The following GABRB1 variants were observed in gnomAD, a reference collection of about 807,000 sequenced individuals.
GABRB1 encodes the protein gamma-aminobutyric acid type A receptor subunit beta1.
Under a neutral mutation model 51.6 loss-of-function variants are expected in GABRB1, and 17 were observed. The ratio of observed to expected loss-of-function variants is 0.33; its 90% CI spans 0.23 to 0.49. The LOEUF (loss-of-function observed/expected upper bound fraction) is 0.49. Ranked by LOEUF, GABRB1 falls within the 20% of genes least tolerant of loss-of-function variation. The probability of loss-of-function intolerance (pLI) is 0.99; values close to 1 mark genes in which losing one functional copy is unlikely to be tolerated. For synonymous variants in GABRB1, 247 were observed against 218.9 expected (o/e 1.13, Z -1.14); for missense variants, 410 against 600.6 (o/e 0.68, Z 3.32).
At chr4:47,253,579 T>C (rs1212926746) in intron 4 of GABRB1, among the ~76,000 whole-genome samples, 3 of 152,240 alleles carry the variant, frequency 2.0e-5, no homozygotes, top group Non-Finnish European at 2.9e-5. Context: ...TGGTCTAATA[T>C]ATTCAAATTT....
intron 4 of GABRB1, among the ~76,000 whole-genome samples, chr4:47,275,372 G>A (rs1308065976): frequency 1.3e-5 from 2 of 152,062 alleles, no homozygotes; most frequent in African/African-American, 4.8e-5. Flanking sequence ...ATGTGCTCTT[G>A]AAATAAAAAG....
chr4:47,137,098 C>A (rs1038060733), intron 3 of GABRB1, among the ~76,000 whole-genome samples: 1 of 152,064 alleles, frequency 6.6e-6, no homozygotes, highest in Non-Finnish European at 1.5e-5. Flanking sequence ...ACAAGTCCTG[C>A]GCTAAAAAAT....
intron 3 of GABRB1, among the ~76,000 whole-genome samples, chr4:47,091,379 A>G (rs1577899228): frequency 6.6e-6 from 1 of 152,330 alleles, no homozygotes; most frequent in Non-Finnish European, 1.5e-5. Flanking sequence ...AAAACAAAAC[A>G]TAATGGTATA....
intron 3 of GABRB1, among the ~76,000 whole-genome samples, chr4:47,053,089 T>C (rs4499677): frequency 0.54 from 82,171 of 151,858 alleles, 22,610 homozygotes; most frequent in African/African-American, 0.64. Context: ...GAGCATTAGG[T>C]AAAGGGAGAG....
intron 3 of GABRB1, among the ~76,000 whole-genome samples, chr4:47,049,063 GAAA>G (rs5858051): frequency 5.8e-5 from 8 of 138,572 alleles, no homozygotes; most frequent in East Asian, 2.2e-4. Context: ...GATGAGAAGA[GAAA>G]AAAAAAAAAA....
chr4:47,344,762 C>A (rs1363522690), intron 5 of GABRB1, among the ~76,000 whole-genome samples: 1 of 151,764 alleles, frequency 6.6e-6, no homozygotes, highest in African/African-American at 2.4e-5. Context: ...TTGCTCTATC[C>A]CCCAGGCTGG....
At chr4:47,150,341 C>T (rs1717380448) in intron 3 of GABRB1, among the ~76,000 whole-genome samples, 1 of 131,812 alleles carries the variant, frequency 7.6e-6, no homozygotes, top group East Asian at 2.2e-4. Flanking sequence ...CACACACACA[C>T]ACGCACATAC....
At chr4:47,271,736 G>A (rs1722882756) in intron 4 of GABRB1, among the ~76,000 whole-genome samples, 1 of 152,052 alleles carries the variant, frequency 6.6e-6, no homozygotes, top group African/African-American at 2.4e-5. Flanking sequence ...CAGTGGAAGT[G>A]GTTCACCTCA....
chr4:47,198,669 G>A (rs1372512208), intron 4 of GABRB1, among the ~76,000 whole-genome samples: 4 of 152,150 alleles, frequency 2.6e-5, no homozygotes, highest in Admixed American at 2.6e-4. Flanking sequence ...ACAGTTAGGA[G>A]GAAAGTAAAA....
At chr4:47,176,542 G>A (rs1000719783) in intron 4 of GABRB1, among the ~76,000 whole-genome samples, 1 of 152,110 alleles carries the variant, frequency 6.6e-6, no homozygotes, top group African/African-American at 2.4e-5. Flanking sequence ...AATGCCTGTA[G>A]ACGTGTAAGT....
intron 1 of GABRB1, among the ~76,000 whole-genome samples, chr4:47,000,317 T>C (rs1724139804): frequency 6.6e-6 from 1 of 152,216 alleles, no homozygotes; most frequent in Admixed American, 6.5e-5. Flanking sequence ...AGGGAAACAT[T>C]GACTATTTCA....
intron 5 of GABRB1, among the ~76,000 whole-genome samples, chr4:47,322,323 A>T (rs1725114577): frequency 6.6e-6 from 1 of 152,220 alleles, no homozygotes; most frequent in African/African-American, 2.4e-5. Flanking sequence ...AAAAGATGGT[A>T]ATTATCATCA....
rs1725322531 is a variant in GABRB1 at position 47,031,977 on chromosome 4, T to C, written c.144T>C (p.Tyr48=). ...KETVDRLLKG[Y]DIRLRPDFGG... ...CAGTGGACAGATTGCTCAAAGGATA[T>C]GACATTCGCTTGCGGCCGGACTTCG... Residue 48 remains tyrosine (Y), a synonymous_variant, in exon 2 of 9, where the codon TAT becomes TAC. Transcript: ENST00000295454. The C allele has an allele frequency of 6.2e-7, 1 of 1,613,406 alleles. No homozygotes were observed. The highest frequency in any genetic ancestry group is 1.3e-5 in the African/African-American group (1 of 74,636).
At chr4:47,245,144 TAA>T (rs949802593) in intron 4 of GABRB1, among the ~76,000 whole-genome samples, 3 of 151,876 alleles carry the variant, frequency 2.0e-5, no homozygotes, top group Non-Finnish European at 4.4e-5. Flanking sequence ...ACAGATGCAA[TAA>T]AAAATGATAA....
At chr4:47,150,363 C>T (rs1041290082) in intron 3 of GABRB1, among the ~76,000 whole-genome samples, 21 of 94,674 alleles carry the variant, frequency 2.2e-4, no homozygotes, top group Non-Finnish European at 4.4e-4. Flanking sequence ...CACACACACA[C>T]GCACATACAC....
At chr4:47,063,057 C>T (rs537636789) in intron 3 of GABRB1, among the ~76,000 whole-genome samples, 12 of 152,156 alleles carry the variant, frequency 7.9e-5, no homozygotes, top group African/African-American at 2.9e-4. Context: ...ATGGCTTTCT[C>T]TCTTAAAATA....
intron 4 of GABRB1, among the ~76,000 whole-genome samples, chr4:47,246,657 T>G (rs367595983): frequency 6.6e-6 from 1 of 151,666 alleles, no homozygotes; most frequent in East Asian, 1.9e-4. Flanking sequence ...AATGTAGAAG[T>G]GTTCCCTGAT....
chr4:47,056,044 A>T (rs945949539), intron 3 of GABRB1, among the ~76,000 whole-genome samples: 2 of 152,198 alleles, frequency 1.3e-5, no homozygotes, highest in Non-Finnish European at 2.9e-5. Context: ...TTCTATGGAA[A>T]TGGTTTCTAT....
rs567178436 is a variant in GABRB1, at chr4:47,129,498, G to T, written c.241-31751G>T. On this transcript the variant is annotated intron_variant, in intron 3 of 8. Coordinates refer to ENST00000295454, the MANE Select transcript of GABRB1 (RefSeq NM_000812.4). ...ATTTTCAGTTCCTATGATGTGCCAG[G>T]CACTGTAGTTACCTAATAAGAAATG... is the stretch of plus-strand genomic sequence containing the variant. 2.0e-5 allele frequency among the ~76,000 whole-genome samples: 3 copies of T among 152,240 alleles called. No homozygotes were observed. In the East Asian group the frequency reaches 5.8e-4, roughly 29 times the overall value.
Sources: gnomAD v4.1 joint callset for allele counts (sites outside exome capture counted in the v4.1 genomes callset) on GRCh38, gnomAD v4.1.1 for gene constraint, MANE v1.5 for transcripts, NCBI Gene and HGNC (gene_info 2026-07-23, HGNC 2026-07-21) for gene names.